Variants in PRRX1 observed in about 807,000 individuals in gnomAD.
PRRX1 encodes the protein paired mesoderm homeobox protein 1.
In PRRX1, 8 loss-of-function variants were observed where a neutral mutation model predicts 24.0. The observed-to-expected ratio is 0.33, with a 90% CI of 0.20 to 0.60. The LOEUF is 0.60. Ranked by LOEUF, PRRX1 falls within the 20% of genes least tolerant of loss-of-function variation. The pLI is 0.82. For missense variants in PRRX1, 281 were observed against 322.4 expected, an observed-to-expected ratio of 0.87 and a Z score of 0.98; for synonymous variants, 160 against 131.7, an observed-to-expected ratio of 1.22 and a Z score of -1.47.
intron 1 of PRRX1, among the ~76,000 whole-genome samples, chr1:170,679,589 C>T (rs551218717): frequency 2.0e-5 from 3 of 152,104 alleles, no homozygotes; most frequent in East Asian, 3.9e-4. Flanking sequence ...TCAGTAGAGA[C>T]GGGGCTTCAC....
At chr1:170,722,870 C>A (rs763428679) in intron 2 of PRRX1, among the ~76,000 whole-genome samples, 1 of 152,030 alleles carries the variant, frequency 6.6e-6, no homozygotes, top group East Asian at 1.9e-4. Context: ...AGGAAATATC[C>A]GGTGTGAATA....
chr1:170,686,546 T>G (rs1653749590), intron 1 of PRRX1, among the ~76,000 whole-genome samples: 1 of 152,126 alleles, frequency 6.6e-6, no homozygotes, highest in African/African-American at 2.4e-5. Flanking sequence ...AATTCTAGCC[T>G]TAGGGGGTAG....
intron 1 of PRRX1, among the ~76,000 whole-genome samples, chr1:170,679,643 C>T (rs1393770365): frequency 1.3e-5 from 2 of 152,116 alleles, no homozygotes; most frequent in Non-Finnish European, 2.9e-5. Flanking sequence ...TTGTGATCCG[C>T]CCACCTCGGC....
chr1:170,685,251 T>G (rs1181760184), intron 1 of PRRX1, among the ~76,000 whole-genome samples: 1 of 152,172 alleles, frequency 6.6e-6, no homozygotes, highest in African/African-American at 2.4e-5. Flanking sequence ...TGACACCATT[T>G]GTGACTGGAC....
intron 1 of PRRX1, among the ~76,000 whole-genome samples, chr1:170,690,758 A>C (rs1031131006): frequency 2.6e-5 from 4 of 152,166 alleles, no homozygotes; most frequent in Admixed American, 2.6e-4. Context: ...TATGTACCAG[A>C]GAGGCCCTGG....
chr1:170,697,751 C>A (rs930026060), intron 1 of PRRX1, among the ~76,000 whole-genome samples: 14 of 145,300 alleles, frequency 9.6e-5, no homozygotes, highest in Non-Finnish European at 2.0e-4. Flanking sequence ...AATATATATA[C>A]ATATATAGAT....
At chr1:170,699,241 A>G (rs1021728738) in intron 1 of PRRX1, among the ~76,000 whole-genome samples, 24 of 152,182 alleles carry the variant, frequency 1.6e-4, no homozygotes, top group Non-Finnish European at 3.1e-4. Context: ...TGCCAATTTC[A>G]GCACATAAAG....
At chr1:170,672,356 T>A (rs1422786499) in intron 1 of PRRX1, among the ~76,000 whole-genome samples, 1 of 152,216 alleles carries the variant, frequency 6.6e-6, no homozygotes, top group African/African-American at 2.4e-5. Flanking sequence ...TGATGGTTAA[T>A]ACATACTTTC....
At chr1:170,718,646 T>G (rs915889433) in intron 1 of PRRX1, among the ~76,000 whole-genome samples, 1 of 152,212 alleles carries the variant, frequency 6.6e-6, no homozygotes, top group African/African-American at 2.4e-5. Context: ...GTAAGTCAAG[T>G]TCATTAGATG....
intron 1 of PRRX1, among the ~76,000 whole-genome samples, chr1:170,694,201 A>C (rs1387311793): frequency 6.6e-6 from 1 of 152,174 alleles, no homozygotes; most frequent in Non-Finnish European, 1.5e-5. Context: ...GAAACACGGT[A>C]GAAAGGTTTG....
chr1:170,699,344 C>T (rs1412293785), intron 1 of PRRX1, among the ~76,000 whole-genome samples: 1 of 151,806 alleles, frequency 6.6e-6, no homozygotes, highest in Admixed American at 6.6e-5. Flanking sequence ...TTTTACAAAA[C>T]CCTTTCAGAG....
At chr1:170,706,087 C>T (rs1387069088) in intron 1 of PRRX1, among the ~76,000 whole-genome samples, 3 of 152,048 alleles carry the variant, frequency 2.0e-5, no homozygotes, top group Admixed American at 2.0e-4. Flanking sequence ...ATTTGAATAC[C>T]TGCTAAATCT....
chr1:170,691,783 G>A (rs1653990894), intron 1 of PRRX1, among the ~76,000 whole-genome samples: 1 of 151,710 alleles, frequency 6.6e-6, no homozygotes, highest in Admixed American at 6.6e-5. Flanking sequence ...ACAAAATGAA[G>A]CATAGTCCAA....
intron 3 of PRRX1, 89 bp downstream of exon 3, chr1:170,726,490 C>T (rs1447593732): frequency 3.5e-6 from 5 of 1,448,954 alleles, no homozygotes; most frequent in East Asian, 2.3e-5. Context: ...AGCTCACCGA[C>T]ATTTCTTACT....
intron 1 of PRRX1, among the ~76,000 whole-genome samples, chr1:170,695,403 T>C (rs1571328444): frequency 6.6e-6 from 1 of 152,198 alleles, no homozygotes; most frequent in East Asian, 1.9e-4. Flanking sequence ...ATCAGTTGGA[T>C]GTTTTTCTCT....
At chr1:170,675,722 T>G (rs955486399) in intron 1 of PRRX1, among the ~76,000 whole-genome samples, 1 of 152,122 alleles carries the variant, frequency 6.6e-6, no homozygotes, top group Non-Finnish European at 1.5e-5. Context: ...TATTATGAAG[T>G]CTATGTAAAA....
At chr1:170,693,201 C>T (rs2101899531) in intron 1 of PRRX1, among the ~76,000 whole-genome samples, 1 of 152,164 alleles carries the variant, frequency 6.6e-6, no homozygotes, top group East Asian at 1.9e-4. Context: ...TTACAGGGCT[C>T]TACCTCAAAG....
intron 1 of PRRX1, among the ~76,000 whole-genome samples, chr1:170,701,657 G>C (rs1228881393): frequency 1.3e-5 from 2 of 152,122 alleles, no homozygotes; most frequent in African/African-American, 2.4e-5. Flanking sequence ...CAGGGAGAAT[G>C]CTTCAACTAC....
At chr1:170,673,747 G>C (rs1161325970) in intron 1 of PRRX1, among the ~76,000 whole-genome samples, 1 of 152,166 alleles carries the variant, frequency 6.6e-6, no homozygotes, top group Non-Finnish European at 1.5e-5. Flanking sequence ...GTAACATGTG[G>C]ATGCAAGACT....
Sources: allele counts gnomAD v4.1 joint callset (sites outside exome capture counted in the v4.1 genomes callset), GRCh38; gene constraint gnomAD v4.1.1; transcripts MANE v1.5; gene names NCBI Gene and HGNC (gene_info 2026-07-23, HGNC 2026-07-21).